Variants in NCOR2 observed in about 807,000 individuals in gnomAD.
NCOR2 encodes nuclear receptor corepressor 2, also known as CTG repeat protein 26.
In NCOR2, 81 loss-of-function variants were observed where a neutral mutation model predicts 262.9. The ratio of observed to expected loss-of-function variants is 0.31; its 90% CI spans 0.26 to 0.37. NCOR2 has a LOEUF of 0.37. Among genes scored for constraint, NCOR2 ranks in the 10% least tolerant of loss-of-function variants. The pLI, the probability that NCOR2 is intolerant of heterozygous loss-of-function variation, is 1.00. For synonymous variants in NCOR2, 1,659 were observed against 1,559.3 expected (o/e 1.06, Z -1.51); for missense variants, 3,385 against 3,621.4 (o/e 0.93, Z 1.68).
intron 33 of NCOR2, 90 bp from the exon 36 acceptor site, chr12:124,342,164 C>T (rs554289212): frequency 1.3e-4 from 185 of 1,428,916 alleles, no homozygotes; most frequent in Middle Eastern, 7.7e-4. Flanking sequence ...TACTTCTGCA[C>T]CCGGACAGCT....
In NCOR2 at chr12:124,328,719, C is replaced by T. The variant is rs1173503085; in HGVS notation, c.6959-1086G>A. 6 of 174,352 alleles carry T rather than the reference C, an allele frequency of 3.4e-5. No individual in the cohort carries two copies. The South Asian group carries it at 5.0e-4, about 15-fold the overall frequency. The allele number at this position is 174,352 out of a possible 1,614,324, so 10.8% of individuals were successfully genotyped here. ...AAACTTCTGCTCCGAATGAATCATA[C>T]GAATACAAAGTGGTCAAATCGTCTT... On this transcript the variant is annotated intron_variant, in intron 44 of 46. Transcript: ENST00000405201.
At chr12:124,486,659 T>C in intron 1 of NCOR2, 91 bp from the exon 4 acceptor site, 1 of 1,441,008 alleles carries the variant, frequency 6.9e-7, no homozygotes, top group Non-Finnish European at 9.2e-7. Context: ...GTGGACTCCC[T>C]GCTCAGGCTC....
At position 124,373,980 on chromosome 12, in the gene NCOR2, G is replaced by C. The variant is rs547050714; in HGVS notation, c.2218+433C>G. On this transcript the variant is annotated intron_variant, in intron 19 of 46. Coordinates refer to ENST00000405201, the Ensembl canonical transcript of NCOR2. Reference sequence around the variant, plus strand: ...CAGCAGGAGCGCGATCTGTGCTGGCGGAGTGGCAGGATGAAAGCACGCACC... The same window carrying C: ...CAGCAGGAGCGCGATCTGTGCTGGCCGAGTGGCAGGATGAAAGCACGCACC... 7.2e-5 allele frequency among the ~76,000 whole-genome samples: 11 copies of C among 151,928 alleles called. No homozygotes were observed. The South Asian group carries it at 2.3e-3, about 32-fold the overall frequency.
chr12:124,428,458 G>A (rs1317690612), intron 10 of NCOR2, among the ~76,000 whole-genome samples: 2 of 152,332 alleles, frequency 1.3e-5, no homozygotes, highest in East Asian at 1.9e-4. Context: ...GTAAAAATGC[G>A]GATTCCTGGG....
intron 7 of NCOR2, among the ~76,000 whole-genome samples, chr12:124,441,644 G>A (rs1017917550): frequency 3.9e-5 from 6 of 152,250 alleles, no homozygotes; most frequent in Non-Finnish European, 5.9e-5. Flanking sequence ...CCGCAAGTAT[G>A]TATGAATCAT....
rs201755012 is a variant in NCOR2, at chr12:124,486,495, T to G, written c.179A>C (p.Gln60Pro). The G allele has an allele frequency of 2.5e-5, 41 of 1,610,716 alleles. No individual in the cohort carries two copies. The Admixed American group carries it at 5.9e-4, about 23-fold the overall frequency. Residue 60 changes from glutamine (Q) to proline (P), a missense_variant, in exon 2 of 47, where the codon CAG becomes CCG. By Grantham distance (76) the Gln-to-Pro change is moderately conservative. Transcript: ENST00000405201. ...CAGGGAGGGCCTCCGCCGCTGGGGC[T>G]GGATGATGGAGCCGGGCGACAGGTG...
At chr12:124,563,799 C>G (rs551462762) in intron 1 of NCOR2, among the ~76,000 whole-genome samples, 3 of 152,378 alleles carry the variant, frequency 2.0e-5, no homozygotes, top group South Asian at 4.1e-4. Context: ...CCTGCCCCAC[C>G]TGGGGCAAAG....
At position 124,523,566 on chromosome 12, in the gene NCOR2, T is replaced by C. The variant is rs1316015118; in HGVS notation, c.-118+11999A>G. ...CAACCGGCGTGTCCAGTCTTTTGGC[T>C]TCACTGGGCCACACTAAAAGAACTG... is the stretch of plus-strand genomic sequence containing the variant. On this transcript the variant is annotated intron_variant, in intron 1 of 46. Transcript: ENST00000404621. This position sits in a 1 kb window ranked among gnomAD's most constrained non-coding sequence, Gnocchi z 4.0. 1.3e-5 allele frequency among the ~76,000 whole-genome samples: 2 copies of C among 151,278 alleles called. No individual in the cohort carries two copies. The highest frequency in any genetic ancestry group is 3.9e-4 in the East Asian group (2 of 5,140).
chr12:124,351,957 G>A (rs968007137), intron 27 of NCOR2, among the ~76,000 whole-genome samples: 1 of 152,212 alleles, frequency 6.6e-6, no homozygotes, highest in East Asian at 1.9e-4. Flanking sequence ...CTGGCAGAGG[G>A]CAGCACCTGG....
chr12:124,379,865 T>C (rs1432036607), intron 17 of NCOR2, among the ~76,000 whole-genome samples: 1 of 152,208 alleles, frequency 6.6e-6, no homozygotes, highest in Non-Finnish European at 1.5e-5. Context: ...CCTGTGGCAG[T>C]GGAGGCACAT....
chr12:124,567,021 T>C (rs893469913), intron 1 of NCOR2, among the ~76,000 whole-genome samples: 1 of 151,992 alleles, frequency 6.6e-6, no homozygotes, highest in Non-Finnish European at 1.5e-5. Context: ...GGCCGCTCTG[T>C]GCATTTCCAG....
At chr12:124,347,581 T>C (rs998700225) in intron 30 of NCOR2, 5 of 523,060 alleles carry the variant, frequency 9.6e-6, no homozygotes, top group African/African-American at 9.5e-5. Context: ...ACAGGACAGT[T>C]GCTATGTGAC....
intron 27 of NCOR2, among the ~76,000 whole-genome samples, chr12:124,350,950 G>A (rs1021559268): frequency 6.6e-6 from 1 of 152,240 alleles, no homozygotes; most frequent in African/African-American, 2.4e-5. Context: ...CTTCCCATGA[G>A]TGGACGCTGT....
chr12:124,479,030 C>T (rs1276974795), intron 3 of NCOR2, among the ~76,000 whole-genome samples: 2 of 151,946 alleles, frequency 1.3e-5, no homozygotes, highest in African/African-American at 2.4e-5. Flanking sequence ...CACAGAGCAA[C>T]GGTAAGGGAT....
chr12:124,435,920 G>A (rs1035553281), intron 8 of NCOR2, among the ~76,000 whole-genome samples: 3 of 152,234 alleles, frequency 2.0e-5, no homozygotes, highest in African/African-American at 7.2e-5. Context: ...TCTGAAACAT[G>A]TGGCTGACCA....
intron 1 of NCOR2, among the ~76,000 whole-genome samples, chr12:124,507,452 G>A (rs540621651): frequency 1.4e-3 from 215 of 151,622 alleles, no homozygotes; most frequent in Non-Finnish European, 2.6e-3. Context: ...AAAGGCTCAG[G>A]CTGCCCCCAT....
intron 30 of NCOR2, 175 bp downstream of exon 32, chr12:124,347,650 G>GT: frequency 1.6e-6 from 1 of 638,212 alleles, no homozygotes; most frequent in South Asian, 2.1e-5. Flanking sequence ...TTTGAAATAA[G>GT]TAAGAGACAC....
chr12:124,451,383 T>G (rs1370977646), intron 6 of NCOR2, among the ~76,000 whole-genome samples: 2 of 152,144 alleles, frequency 1.3e-5, no homozygotes, highest in Non-Finnish European at 2.9e-5. Flanking sequence ...CATGTAACCA[T>G]ACCGGGTAAC....
chr12:124,390,040 G>A (rs185726926), intron 16 of NCOR2, among the ~76,000 whole-genome samples: 8 of 152,248 alleles, frequency 5.3e-5, no homozygotes, highest in South Asian at 2.1e-4. Context: ...AGCAGAAGGC[G>A]TCTCTGGAAT....
Sources: gnomAD v4.1 joint callset for allele counts (sites outside exome capture counted in the v4.1 genomes callset) on GRCh38, gnomAD v4.1.1 for gene constraint, Gnocchi (gnomAD v3.1) non-coding constraint, MANE v1.5 for transcripts, NCBI Gene and HGNC (gene_info 2026-07-23, HGNC 2026-07-21) for gene names.